The following MSH4 variants were observed in gnomAD, a reference collection of about 807,000 sequenced individuals.
MSH4 encodes mutS protein homolog 4.
A neutral mutation model predicts 113.7 loss-of-function variants in MSH4; 106 were observed. That is an observed-to-expected ratio of 0.93 (90% CI 0.80 to 1.10). The LOEUF is 1.10. Ranked by LOEUF, MSH4 falls within the 50% of genes least tolerant of loss-of-function variation. MSH4 has a pLI of 0.00. For synonymous variants in MSH4, 368 were observed against 380.2 expected, an observed-to-expected ratio of 0.97 and a Z score of 0.37; for missense variants, 1,061 against 1,093.7, an observed-to-expected ratio of 0.97 and a Z score of 0.42.
rs367837631 is a variant in MSH4, at chr1:75,829,607, C to A, written c.1162+7026C>A. 2.0e-5 allele frequency among the ~76,000 whole-genome samples: 3 copies of A among 152,196 alleles called. No homozygotes were observed. The East Asian group carries it at 5.8e-4, about 29-fold the overall frequency. On this transcript the variant is annotated intron_variant, in intron 7 of 19. Coordinates refer to ENST00000263187, the MANE Select transcript of MSH4 (RefSeq NM_002440.4). ...CAAAGCTTCCAGAGGAAGAATCAGGCAGCAACATCTGCCGTTCTGCAATAT... is the reference window on the plus strand; with the variant it reads ...CAAAGCTTCCAGAGGAAGAATCAGGAAGCAACATCTGCCGTTCTGCAATAT...
At chr1:75,861,048 C>T (rs1400806584) in intron 8 of MSH4, among the ~76,000 whole-genome samples, 3 of 152,144 alleles carry the variant, frequency 2.0e-5, no homozygotes, top group African/African-American at 7.2e-5. Flanking sequence ...TTCACTTGAT[C>T]GAATCAGCTA....
At position 75,797,233 on chromosome 1, in the gene MSH4, A is replaced by C; in HGVS notation, c.244+4A>C. On this transcript the variant is annotated splice_donor_region_variant and intron_variant, in intron 1 of 19. Coordinates refer to ENST00000263187, the MANE Select transcript of MSH4 (RefSeq NM_002440.4). ...CCAAACTCCCGGCCAGCTCAAGGCA[A>C]GGAGTGATTGGGTGGAGGAGTCTCC... The C allele has an allele frequency of 6.2e-7, 1 of 1,602,422 alleles. No individual in the cohort carries two copies. The highest frequency in any genetic ancestry group is 2.2e-5 in the East Asian group (1 of 44,626).
Position 75,912,987 on chromosome 1 carries a change from T to A in MSH4, c.*100T>A. ...ATAACATTTGCCAAATTTCATATTT[T>A]AATTGAAAATTACATTATATTAACA... On this transcript the variant is annotated 3_prime_UTR_variant, in exon 20 of 20. Coordinates refer to ENST00000263187, the MANE Select transcript of MSH4 (RefSeq NM_002440.4). 1.6e-6 allele frequency: 1 copy of A among 629,726 alleles called. No homozygotes were observed. Among genetic ancestry groups the A allele is most frequent in the Non-Finnish European group, 2.4e-6 (1 of 413,576 alleles). The allele number at this position is 629,726 out of a possible 1,614,324, so 39.0% of individuals were successfully genotyped here.
In MSH4 at chr1:75,807,952, G is replaced by T. The variant is rs556698723; in HGVS notation, c.588+811G>T. ...AGCTGGGACAGACTCTTCTGCTGCT[G>T]CCTTGGACATCAGAAATTTGACTCC... On this transcript the variant is annotated intron_variant, in intron 3 of 19. Coordinates refer to ENST00000263187, the MANE Select transcript of MSH4 (RefSeq NM_002440.4). 1.6e-3 allele frequency among the ~76,000 whole-genome samples: 250 copies of T among 152,290 alleles called. 1 individual carries two copies. The highest frequency in any genetic ancestry group is 5.6e-3 in the African/African-American group (231 of 41,564).
At chr1:75,898,283 T>C (rs1652428161) in intron 18 of MSH4, among the ~76,000 whole-genome samples, 1 of 152,050 alleles carries the variant, frequency 6.6e-6, no homozygotes, top group South Asian at 2.1e-4. Flanking sequence ...TTTTAAATTT[T>C]TATAAGCCAG....
intron 19 of MSH4, among the ~76,000 whole-genome samples, chr1:75,911,540 C>G (rs1161637412): frequency 1.3e-5 from 2 of 152,052 alleles, no homozygotes; most frequent in Non-Finnish European, 2.9e-5. Flanking sequence ...TTATTATAAT[C>G]AGTTGCTTAC....
intron 17 of MSH4, among the ~76,000 whole-genome samples, chr1:75,895,285 C>G (rs2100586325): frequency 6.6e-6 from 1 of 152,250 alleles, no homozygotes. Flanking sequence ...GTCTGCAATA[C>G]AGAAGATTCC....
intron 9 of MSH4, among the ~76,000 whole-genome samples, chr1:75,873,748 T>TTATATATA (rs61020580): frequency 0.045 from 6,795 of 150,304 alleles, 186 homozygotes; most frequent in African/African-American, 0.062. Context: ...GATCTTGTTT[T>TTATATATA]TATATATATA....
rs141756843 is a variant in MSH4, at chr1:75,862,268, G to A, written c.1231-5246G>A. The stretch of plus-strand genomic sequence containing the variant: ...GTGAGGTGATGCCCTGCCCTGTTTC[G>A]GCTCACCCTCCGTGGGCTGTACCCA... On this transcript the variant is annotated intron_variant, in intron 8 of 19. Transcript: ENST00000263187. Among the ~76,000 whole-genome samples the A allele has an allele frequency of 3.5e-3, 540 of 152,210 alleles. 5 individuals carry two copies. Among genetic ancestry groups the A allele is most frequent in the African/African-American group, 0.012 (509 of 41,544 alleles).
intron 15 of MSH4, 112 bp from the exon 16 acceptor site, chr1:75,889,139 T>G: frequency 1.8e-6 from 1 of 571,028 alleles, no homozygotes; most frequent in Non-Finnish European, 3.1e-6. Context: ...ATGCCATATC[T>G]AGTGTTCTTT....
At chr1:75,871,475 G>A (rs2100564685) in intron 9 of MSH4, among the ~76,000 whole-genome samples, 1 of 152,228 alleles carries the variant, frequency 6.6e-6, no homozygotes, top group African/African-American at 2.4e-5. Context: ...GGAAATCAAG[G>A]TGATTAATAA....
intron 4 of MSH4, 133 bp downstream of exon 4, chr1:75,810,940 C>G (rs543413470): frequency 2.4e-6 from 1 of 409,172 alleles, no homozygotes; most frequent in Non-Finnish European, 4.3e-6. Context: ...GGCGTGATCT[C>G]GGCTTACTGC....
chr1:75,808,376 TAA>T (rs147068589), intron 3 of MSH4, among the ~76,000 whole-genome samples: 318 of 152,374 alleles, frequency 2.1e-3, no homozygotes, highest in Non-Finnish European at 3.3e-3. Flanking sequence ...TTAGTACACT[TAA>T]GTGTTCATGC....
chr1:75,846,311 G>T (rs142609636), intron 7 of MSH4, among the ~76,000 whole-genome samples: 234 of 152,246 alleles, frequency 1.5e-3, no homozygotes, highest in African/African-American at 5.2e-3. Context: ...TACATTTTAT[G>T]TGGCCAGGCT....
intron 7 of MSH4, 95 bp from the exon 8 acceptor site, chr1:75,848,114 G>A (rs1651113406): frequency 2.6e-6 from 2 of 766,818 alleles, no homozygotes; most frequent in Non-Finnish European, 4.3e-6. Flanking sequence ...AGGTAGAACT[G>A]TTCTATTTTA....
At chr1:75,893,468 T>A (rs1221191611) in intron 17 of MSH4, among the ~76,000 whole-genome samples, 7 of 151,936 alleles carry the variant, frequency 4.6e-5, no homozygotes, top group Admixed American at 3.9e-4. Context: ...CCTGGGGACA[T>A]TTAGGCCCTA....
intron 19 of MSH4, among the ~76,000 whole-genome samples, chr1:75,907,684 C>CTCTCTCTATATATATATATATATATA (rs1307238647): frequency 4.3e-5 from 2 of 46,574 alleles, no homozygotes; most frequent in African/African-American, 9.9e-5. Flanking sequence ...CTCTCTCTCT[C>CTCTCTCTATATATATATATATATATA]TATACATATA....
intron 9 of MSH4, among the ~76,000 whole-genome samples, chr1:75,870,510 C>T (rs1651689160): frequency 6.6e-6 from 1 of 152,124 alleles, no homozygotes; most frequent in Non-Finnish European, 1.5e-5. Context: ...ATGTCAAAGG[C>T]AGGGCCAGGT....
At chr1:75,853,148 T>A (rs1651226796) in intron 8 of MSH4, among the ~76,000 whole-genome samples, 1 of 152,030 alleles carries the variant, frequency 6.6e-6, no homozygotes, top group Non-Finnish European at 1.5e-5. Flanking sequence ...CACTGCAACC[T>A]CCACCTCCCA....
Sources: allele counts gnomAD v4.1 joint callset (sites outside exome capture counted in the v4.1 genomes callset), GRCh38; gene constraint gnomAD v4.1.1; transcripts MANE v1.5; gene names NCBI Gene and HGNC (gene_info 2026-07-23, HGNC 2026-07-21).